The following FAM193A variants were observed in gnomAD, a reference collection of about 807,000 sequenced individuals.
FAM193A encodes the protein protein FAM193A.
A neutral mutation model predicts 126.5 loss-of-function variants in FAM193A; 22 were observed. The observed-to-expected ratio is 0.17, with a 90% CI of 0.12 to 0.25. The LOEUF is 0.25. Ranked by LOEUF, FAM193A falls within the 10% of genes least tolerant of loss-of-function variation. The pLI is 1.00. For missense variants in FAM193A, 1,675 were observed against 1,672.8 expected (o/e 1.00, Z -0.02); for synonymous variants, 761 against 646.8 (o/e 1.18, Z -2.68).
At chr4:2,726,362 C>T (rs1720745890) in intron 20 of FAM193A, among the ~76,000 whole-genome samples, 1 of 152,064 alleles carries the variant, frequency 6.6e-6, no homozygotes, top group South Asian at 2.1e-4. Context: ...TTTGTAATCA[C>T]CTCCTCTCCT....
intron 2 of FAM193A, among the ~76,000 whole-genome samples, chr4:2,606,660 C>T (rs983064158): frequency 6.6e-6 from 1 of 152,166 alleles, no homozygotes; most frequent in African/African-American, 2.4e-5. Context: ...TGTAACATCA[C>T]ATGTTGGTTA....
intron 1 of FAM193A, among the ~76,000 whole-genome samples, chr4:2,579,709 C>T (rs1044762198): frequency 7.2e-6 from 1 of 139,596 alleles, no homozygotes; most frequent in Non-Finnish European, 1.6e-5. Flanking sequence ...AAAAACAAAA[C>T]AAAAAAAAAC....
intron 6 of FAM193A, among the ~76,000 whole-genome samples, chr4:2,640,265 C>A (rs1744481609): frequency 6.6e-6 from 1 of 152,150 alleles, no homozygotes; most frequent in Non-Finnish European, 1.5e-5. Flanking sequence ...CTTGGTGTTT[C>A]CCACACATTC....
intron 6 of FAM193A, among the ~76,000 whole-genome samples, chr4:2,644,503 T>C (rs1360737060): frequency 6.6e-6 from 1 of 152,206 alleles, no homozygotes; most frequent in African/African-American, 2.4e-5. Flanking sequence ...CTGGCGCCAC[T>C]GGAGTCCATG....
At chr4:2,716,000 G>T in intron 19 of FAM193A, 23 bp from the exon 20 acceptor site, 1 of 1,373,592 alleles carries the variant, frequency 7.3e-7, no homozygotes, top group Non-Finnish European at 1.0e-6. Flanking sequence ...AATTTGACTT[G>T]CTGCTTCTCT....
At chr4:2,540,523 C>A (rs1164372601) in intron 1 of FAM193A, among the ~76,000 whole-genome samples, 1 of 151,584 alleles carries the variant, frequency 6.6e-6, no homozygotes, top group Non-Finnish European at 1.5e-5. Context: ...GGCGGGCGCC[C>A]TGTAGTCCCA....
chr4:2,573,077 C>T (rs1392668508), intron 1 of FAM193A, among the ~76,000 whole-genome samples: 1 of 152,120 alleles, frequency 6.6e-6, no homozygotes, highest in Non-Finnish European at 1.5e-5. Context: ...TCTTGGTTGA[C>T]TCAGTGTCAG....
intron 13 of FAM193A, among the ~76,000 whole-genome samples, chr4:2,688,541 A>C (rs1215497399): frequency 6.6e-6 from 1 of 152,146 alleles, no homozygotes; most frequent in Non-Finnish European, 1.5e-5. Context: ...CTGTGTGTCC[A>C]GGGCTTTGGT....
intron 19 of FAM193A, among the ~76,000 whole-genome samples, chr4:2,711,496 C>T (rs1718969982): frequency 6.6e-6 from 1 of 151,740 alleles, no homozygotes; most frequent in Non-Finnish European, 1.5e-5. Context: ...TGCACCACCA[C>T]GCCTGGCTAA....
At chr4:2,623,097 A>T (rs1245768538) in intron 2 of FAM193A, among the ~76,000 whole-genome samples, 1 of 150,592 alleles carries the variant, frequency 6.6e-6, no homozygotes, top group Admixed American at 6.6e-5. Context: ...AGCAGGACCT[A>T]TTTGGGGTGG....
chr4:2,659,556 A>G lies in FAM193A; in HGVS notation c.1390-2A>G. 1 of 1,602,324 alleles carries G rather than the reference A, an allele frequency of 6.2e-7. No homozygotes were observed. The highest frequency in any genetic ancestry group is 8.6e-7 in the Non-Finnish European group (1 of 1,169,246). ...ATTAAAGCATTTTAAAATTTCCTCT[A>G]GTTAACCAATAAGAAAGCAGTTACT... On this transcript the variant is annotated splice_acceptor_variant, in intron 8 of 20. Coordinates refer to ENST00000637812, the MANE Select transcript of FAM193A (RefSeq NM_001366318.2). LOFTEE classifies it high-confidence loss of function.
intron 19 of FAM193A, chr4:2,715,310 A>G (rs994320203): frequency 5.7e-5 from 9 of 157,708 alleles, no homozygotes; most frequent in African/African-American, 2.2e-4. Flanking sequence ...CAAAAATATA[A>G]AAATTACACA....
At chr4:2,644,472 G>A (rs1431731170) in intron 6 of FAM193A, among the ~76,000 whole-genome samples, 1 of 152,178 alleles carries the variant, frequency 6.6e-6, no homozygotes, top group Non-Finnish European at 1.5e-5. Context: ...ACTACTTCAC[G>A]GGCTGCAGTG....
At chr4:2,681,555 A>G (rs575717007) in intron 13 of FAM193A, among the ~76,000 whole-genome samples, 24 of 151,560 alleles carry the variant, frequency 1.6e-4, no homozygotes, top group Admixed American at 5.9e-4. Flanking sequence ...GGCTCAAGCA[A>G]TCCTCCTGAC....
At chr4:2,604,255 G>A (rs952254056) in intron 2 of FAM193A, among the ~76,000 whole-genome samples, 7 of 152,146 alleles carry the variant, frequency 4.6e-5, no homozygotes, top group African/African-American at 1.4e-4. Flanking sequence ...GTATTTGCTA[G>A]TTCTAATACA....
chr4:2,683,551 C>T (rs1010320436), intron 13 of FAM193A, among the ~76,000 whole-genome samples: 31 of 152,332 alleles, frequency 2.0e-4, no homozygotes, highest in African/African-American at 6.3e-4. Context: ...CCTTGGCCTC[C>T]CATAGTGCTG....
intron 6 of FAM193A, among the ~76,000 whole-genome samples, chr4:2,640,757 G>T (rs1286194651): frequency 6.6e-6 from 1 of 152,060 alleles, no homozygotes; most frequent in Non-Finnish European, 1.5e-5. Flanking sequence ...CTGAGGTCAG[G>T]AGTTTGAGAC....
intron 2 of FAM193A, among the ~76,000 whole-genome samples, chr4:2,599,422 TGGTCAGGGCTCA>T (rs1170420634): frequency 6.6e-6 from 1 of 152,170 alleles, no homozygotes; most frequent in Non-Finnish European, 1.5e-5. Flanking sequence ...GTCAGGGCTC[TGGTCAGGGCTCA>T]GAGTGCACGG....
chr4:2,659,467 A>G lies in FAM193A; in HGVS notation c.1390-91A>G, dbSNP rs376481991. The G allele has an allele frequency of 3.4e-6, 3 of 884,886 alleles. No homozygotes were observed. In the African/African-American group the frequency reaches 5.0e-5, roughly 15 times the overall value. The allele number at this position is 884,886 out of a possible 1,614,324, so 54.8% of individuals were successfully genotyped here. On this transcript the variant is annotated intron_variant, in intron 8 of 20. Transcript: ENST00000637812. ...CGCTGAGGAAGCAGTGCCCGTGAAC[A>G]TGATACATGTCAGCAGAATTACTGA... is the stretch of plus-strand genomic sequence containing the variant.
Sources: gnomAD v4.1 joint callset for allele counts (sites outside exome capture counted in the v4.1 genomes callset) on GRCh38, gnomAD v4.1.1 for gene constraint, MANE v1.5 for transcripts, NCBI Gene and HGNC (gene_info 2026-07-23, HGNC 2026-07-21) for gene names.